The following LRMDA variants were observed in gnomAD, a reference collection of about 807,000 sequenced individuals.
LRMDA encodes leucine-rich melanocyte differentiation-associated protein.
In LRMDA, 18 loss-of-function variants were observed where a neutral mutation model predicts 29.8. The observed-to-expected ratio is 0.60, with a 90% confidence interval of 0.42 to 0.90. LRMDA has a LOEUF of 0.90. Among genes scored for constraint, LRMDA ranks in the 40% least tolerant of loss-of-function variants. The probability of loss-of-function intolerance (pLI) is 0.00; values close to 1 mark genes in which losing one functional copy is unlikely to be tolerated. For missense variants in LRMDA, 273 were observed against 273.9 expected (o/e 1.00, Z 0.02); for synonymous variants, 125 against 109.4 (o/e 1.14, Z -0.89).
At chr10:76,553,048 T>G (rs1161732502) in intron 6 of LRMDA, among the ~76,000 whole-genome samples, 3 of 152,204 alleles carry the variant, frequency 2.0e-5, no homozygotes, top group African/African-American at 7.2e-5. Flanking sequence ...CTGATACTTT[T>G]TTTTCATAAT....
intron 2 of LRMDA, among the ~76,000 whole-genome samples, chr10:76,026,525 T>C (rs1296163990): frequency 6.6e-6 from 1 of 152,226 alleles, no homozygotes; most frequent in Non-Finnish European, 1.5e-5. Flanking sequence ...GCTGTAGCTC[T>C]AATATGTAGT....
intron 2 of LRMDA, among the ~76,000 whole-genome samples, chr10:76,019,123 C>T (rs1370182388): frequency 6.6e-6 from 1 of 152,120 alleles, no homozygotes; most frequent in Non-Finnish European, 1.5e-5. Flanking sequence ...ATTTTATGGT[C>T]ATCTTACCCT....
chr10:76,151,247 G>A (rs1459332445), intron 5 of LRMDA, among the ~76,000 whole-genome samples: 5 of 152,156 alleles, frequency 3.3e-5, no homozygotes, highest in African/African-American at 1.2e-4. Context: ...GACATTTTGT[G>A]GAGCCAACTA....
chr10:76,311,795 TC>T (rs966231872), intron 5 of LRMDA, among the ~76,000 whole-genome samples: 1 of 152,182 alleles, frequency 6.6e-6, no homozygotes, highest in African/African-American at 2.4e-5. Context: ...TGTCTCAAGT[TC>T]ATTAATATAA....
chr10:76,236,649 G>A (rs1852157395), intron 5 of LRMDA, among the ~76,000 whole-genome samples: 1 of 152,086 alleles, frequency 6.6e-6, no homozygotes, highest in Non-Finnish European at 1.5e-5. Flanking sequence ...CTCGTTTAGT[G>A]GCCTATGACC....
At chr10:76,058,271 A>G (rs981579700) in intron 4 of LRMDA, among the ~76,000 whole-genome samples, 1 of 152,242 alleles carries the variant, frequency 6.6e-6, no homozygotes, top group Non-Finnish European at 1.5e-5. Flanking sequence ...TAGGAATGGC[A>G]GTGACGTAAA....
At chr10:75,554,664 A>G (rs1840192490) in intron 2 of LRMDA, among the ~76,000 whole-genome samples, 1 of 152,206 alleles carries the variant, frequency 6.6e-6, no homozygotes, top group Admixed American at 6.5e-5. Flanking sequence ...AAAGACGTTG[A>G]AAGTGGGATA....
At chr10:75,652,964 G>A (rs933617549) in intron 2 of LRMDA, among the ~76,000 whole-genome samples, 1 of 152,216 alleles carries the variant, frequency 6.6e-6, no homozygotes, top group Non-Finnish European at 1.5e-5. Flanking sequence ...AAAGGCCAGA[G>A]ATGTTGATTC....
At chr10:76,151,842 T>C (rs1005808991) in intron 5 of LRMDA, among the ~76,000 whole-genome samples, 8 of 152,248 alleles carry the variant, frequency 5.3e-5, no homozygotes, top group African/African-American at 1.9e-4. Context: ...GATTTGTTTC[T>C]TCCTTTCCAA....
At chr10:75,851,901 C>G (rs1406766001) in intron 2 of LRMDA, among the ~76,000 whole-genome samples, 1 of 152,206 alleles carries the variant, frequency 6.6e-6, no homozygotes, top group Non-Finnish European at 1.5e-5. Context: ...AAGTAATTCA[C>G]CTTTGTAGCA....
In LRMDA at chr10:76,251,518, C is replaced by T. The variant is rs57703469; in HGVS notation, c.517-72883C>T. ...CCACCCGCCTCGGCCTCCCAAAGTGCTGGGATTACAGGCGTGAGCCACCGC... is the reference window on the plus strand; with the variant it reads ...CCACCCGCCTCGGCCTCCCAAAGTGTTGGGATTACAGGCGTGAGCCACCGC... On this transcript the variant is annotated intron_variant, in intron 5 of 6. Transcript: ENST00000611255. 6.2e-3 allele frequency among the ~76,000 whole-genome samples: 936 copies of T among 151,774 alleles called. 11 individuals carry two copies. Among genetic ancestry groups the T allele is most frequent in the African/African-American group, 0.022 (901 of 41,402 alleles).
intron 6 of LRMDA, among the ~76,000 whole-genome samples, chr10:76,485,102 A>G (rs988679756): frequency 6.6e-6 from 1 of 151,868 alleles, no homozygotes; most frequent in Non-Finnish European, 1.5e-5. Flanking sequence ...TCTCTTTCCT[A>G]TAATAGGTAT....
intron 2 of LRMDA, among the ~76,000 whole-genome samples, chr10:75,996,838 T>C (rs187137935): frequency 0.024 from 3,586 of 151,388 alleles, 58 homozygotes; most frequent in Middle Eastern, 0.048. Flanking sequence ...GTTCACGCCA[T>C]TCTCCTGCCT....
intron 2 of LRMDA, among the ~76,000 whole-genome samples, chr10:75,628,875 C>A (rs1312077687): frequency 3.3e-5 from 5 of 152,234 alleles, no homozygotes; most frequent in Admixed American, 3.3e-4. Context: ...ACTTGCCTTT[C>A]ACACTGCTTC....
At chr10:75,599,902 A>C (rs180863173) in intron 2 of LRMDA, among the ~76,000 whole-genome samples, 1 of 152,342 alleles carries the variant, frequency 6.6e-6, no homozygotes, top group East Asian at 1.9e-4. Flanking sequence ...ATGAGTGGTG[A>C]CAAGAGTCAG....
At chr10:75,499,202 G>C (rs1284904255) in intron 2 of LRMDA, among the ~76,000 whole-genome samples, 2 of 152,184 alleles carry the variant, frequency 1.3e-5, no homozygotes, top group African/African-American at 4.8e-5. Flanking sequence ...TGCTTGAGAT[G>C]TGCAGTTTCT....
chr10:75,440,749 G>A (rs1162195982), intron 2 of LRMDA, among the ~76,000 whole-genome samples: 1 of 152,152 alleles, frequency 6.6e-6, no homozygotes, highest in East Asian at 1.9e-4. Flanking sequence ...AAAAGAATAA[G>A]CAGAGGCCGG....
At chr10:75,786,080 C>A (rs567386261) in intron 2 of LRMDA, among the ~76,000 whole-genome samples, 2 of 152,292 alleles carry the variant, frequency 1.3e-5, no homozygotes, top group East Asian at 3.9e-4. Context: ...TCACTGCATG[C>A]GATATGCTGG....
intron 5 of LRMDA, among the ~76,000 whole-genome samples, chr10:76,141,109 A>G (rs535282020): frequency 2.0e-5 from 3 of 152,136 alleles, no homozygotes; most frequent in East Asian, 1.9e-4. Flanking sequence ...AAATGTGTAT[A>G]CCTTTTCTGC....
Sources: allele counts gnomAD v4.1 joint callset (sites outside exome capture counted in the v4.1 genomes callset), GRCh38; gene constraint gnomAD v4.1.1; transcripts MANE v1.5; gene names NCBI Gene and HGNC (gene_info 2026-07-23, HGNC 2026-07-21).